Variants in TBATA observed in about 807,000 individuals in gnomAD.
TBATA encodes the protein protein TBATA.
In TBATA, 47 loss-of-function variants were observed where a neutral mutation model predicts 38.7. The observed-to-expected ratio is 1.21, with a 90% CI of 0.96 to 1.55. The LOEUF is 1.55. Ranked by LOEUF, TBATA falls within the 40% of genes most tolerant of loss-of-function variation. The pLI is 0.00. For missense variants in TBATA, 436 were observed against 435.6 expected (o/e 1.00, Z -0.01); for synonymous variants, 183 against 170.5 (o/e 1.07, Z -0.57).
rs150669876 is a variant in TBATA, at chr10:70,779,671, C to T, written c.349G>A (p.Gly117Ser). 51 of 1,533,900 alleles carry T rather than the reference C, an allele frequency of 3.3e-5. No individual in the cohort carries two copies. The highest frequency in any genetic ancestry group is 3.4e-4 in the Middle Eastern group (2 of 5,864). ...ATGGTGGGTATCCCCATTTGACAGC[C>T]GGAAAAGACAGTTGACTCAGGCAAG... ...APLPESTVFSGCQMGIPTISV... is the reference protein window; with the variant it reads ...APLPESTVFSSCQMGIPTISV... The change falls in exon 5 of 11, where the codon GGC (glycine) becomes AGC (serine). Residue 117 changes from glycine to serine, a missense_variant. Transcript: ENST00000456372.
At chr10:70,785,127 C>T (rs1844716240) in intron 1 of TBATA, among the ~76,000 whole-genome samples, 158 bp downstream of exon 1, 2 of 152,190 alleles carry the variant, frequency 1.3e-5, no homozygotes, top group African/African-American at 4.8e-5. Context: ...GTGTAGTCTG[C>T]CCTGCCCTGC....
chr10:70,776,818 G>A (rs1487038664), intron 7 of TBATA, among the ~76,000 whole-genome samples: 1 of 152,194 alleles, frequency 6.6e-6, no homozygotes, highest in Non-Finnish European at 1.5e-5. Flanking sequence ...GGTGCGGCCT[G>A]CTGTGATGGG....
chr10:70,777,994 G>T (rs541424734), intron 6 of TBATA: 1 of 323,580 alleles, frequency 3.1e-6, no homozygotes, highest in Non-Finnish European at 6.1e-6. Context: ...CCCAAGACAA[G>T]GGGCAGGACC....
At chr10:70,775,359 T>C in intron 7 of TBATA, 89 bp from the exon 8 acceptor site, 1 of 1,172,412 alleles carries the variant, frequency 8.5e-7, no homozygotes, top group Non-Finnish European at 1.3e-6. Context: ...AGGAGACCCT[T>C]CCCCCAAAGT....
rs911760121 is a variant in TBATA, at chr10:70,784,671, A to G, written c.-171T>C. 1 of 152,164 alleles carries G rather than the reference A, an allele frequency of 6.6e-6. No individual in the cohort carries two copies. The highest frequency in any genetic ancestry group is 6.5e-5 in the Admixed American group (1 of 15,270). 9.4% of individuals were successfully genotyped at this position (152,164 alleles called of 1,614,324 possible). ...CAGTTTGCTGATCTTTTCTTTCCTT[A>G]AAAGGAAGCTCCAGACATCCTTGAT... On this transcript the variant is annotated 5_prime_UTR_variant, in exon 2 of 11. The change abolishes the stop of an existing upstream ORF in the 5' untranslated region. Coordinates refer to ENST00000456372, the MANE Select transcript of TBATA (RefSeq NM_001318241.2).
intron 5 of TBATA, among the ~76,000 whole-genome samples, chr10:70,779,272 A>G (rs1382641360): frequency 2.6e-5 from 4 of 152,218 alleles, no homozygotes; most frequent in Non-Finnish European, 4.4e-5. Flanking sequence ...CAAGCTACTA[A>G]ATATTCCCTA....
At chr10:70,779,415 G>T (rs1365890701) in intron 5 of TBATA, among the ~76,000 whole-genome samples, 178 bp downstream of exon 5, 1 of 152,220 alleles carries the variant, frequency 6.6e-6, no homozygotes, top group Non-Finnish European at 1.5e-5. Context: ...CTTGCTGGGT[G>T]GGGAGTAATG....
intron 5 of TBATA, 119 bp downstream of exon 5, chr10:70,779,474 A>C: frequency 5.0e-6 from 6 of 1,206,846 alleles, no homozygotes; most frequent in African/African-American, 1.6e-5. Flanking sequence ...GGGTTCCCCC[A>C]ACGGACCTCA....
chr10:70,776,531 T>C (rs1247687942), intron 7 of TBATA: 2 of 402,220 alleles, frequency 5.0e-6, no homozygotes, highest in Non-Finnish European at 1.0e-5. Context: ...CTTTGCTGCA[T>C]TGTGGTAAGG....
At chr10:70,782,718 C>T (rs1844407936) in intron 3 of TBATA, 1 of 883,942 alleles carries the variant, frequency 1.1e-6, no homozygotes, top group South Asian at 5.2e-5. Flanking sequence ...ACACCCCTCC[C>T]CTTCCTGAGG....
intron 4 of TBATA, among the ~76,000 whole-genome samples, chr10:70,781,374 G>C (rs6480464): frequency 6.6e-6 from 1 of 152,154 alleles, no homozygotes; most frequent in Non-Finnish European, 1.5e-5. Context: ...GCTCCAGGAG[G>C]GGGGCCACCA....
chr10:70,777,501 G>T (rs1248800523), intron 6 of TBATA, among the ~76,000 whole-genome samples, 163 bp from the exon 7 acceptor site: 2 of 132,810 alleles, frequency 1.5e-5, no homozygotes, highest in African/African-American at 5.7e-5. Context: ...ATCCAGCTCT[G>T]CCACCCCCCC....
At chr10:70,784,534 A>G (rs1308887163) in intron 2 of TBATA, 113 bp downstream of exon 2, 4 of 152,160 alleles carry the variant, frequency 2.6e-5, no homozygotes, top group Admixed American at 6.5e-5. Context: ...AGATCTCCCA[A>G]TGCCAGCCTT....
rs1226804583 is a variant in TBATA, at chr10:70,783,489, C to G, written c.-110G>C. 1.8e-5 allele frequency: 23 copies of G among 1,285,856 alleles called. No individual in the cohort carries two copies. The highest frequency in any genetic ancestry group is 2.6e-5 in the Non-Finnish European group (23 of 895,420). 79.7% of individuals were successfully genotyped at this position (1,285,856 alleles called of 1,614,324 possible). A position where few individuals can be genotyped will look rare whatever the true frequency, so the allele number is the denominator to read the frequency against. On this transcript the variant is annotated 5_prime_UTR_variant, in exon 3 of 11. Transcript: ENST00000456372. ...GTTGAGGATGCAGAACAGGAACTCT[C>G]ACGAACTGGTGGTGGAAGTGTAAAC...
intron 2 of TBATA, 91 bp from the exon 3 acceptor site, chr10:70,783,616 C>A: frequency 2.1e-6 from 1 of 484,522 alleles, no homozygotes; most frequent in Non-Finnish European, 3.8e-6. Context: ...AAGAGAAATT[C>A]TTATAGATGT....
At chr10:70,777,486 G>A in intron 6 of TBATA, 148 bp from the exon 7 acceptor site, 1 of 735,658 alleles carries the variant, frequency 1.4e-6, no homozygotes, top group Non-Finnish European at 2.2e-6. Flanking sequence ...GGGTCCCAGG[G>A]TATCATCCAG....
Position 70,777,329 on chromosome 10 carries a change from G to A in TBATA, c.517C>T (p.Gln173Ter), listed in dbSNP as rs1286399581. The change falls in exon 7 of 11, where the codon CAG becomes TAG. Residue 173 changes from glutamine to a stop codon, truncating the protein, a stop_gained. Transcript: ENST00000456372. LOFTEE classifies it high-confidence loss of function. Reference sequence around the variant, plus strand: ...TGCTCCCGCAGAGGCTCCTCCTTCTGCTCCTTCTGCTGGGACAAAAGTGGC... The same window carrying A: ...TGCTCCCGCAGAGGCTCCTCCTTCTACTCCTTCTGCTGGGACAAAAGTGGC... Reference protein sequence around the residue: ...DELKKKEQKEQKEEPLREQGA... With the variant: ...DELKKKEQKE 1 of 1,612,656 alleles carries A rather than the reference G, an allele frequency of 6.2e-7. No individual in the cohort carries two copies. The highest frequency in any genetic ancestry group is 2.2e-5 in the East Asian group (1 of 44,854).
chr10:70,771,556 T>A (rs2132788687), intron 10 of TBATA, 95 bp from the exon 11 acceptor site: 3 of 1,210,492 alleles, frequency 2.5e-6, no homozygotes, highest in Admixed American at 4.0e-5. Flanking sequence ...GAGGGGAAGG[T>A]CTGAGTCAAG....
chr10:70,771,676 T>C (rs1842805899), intron 10 of TBATA, among the ~76,000 whole-genome samples: 1 of 152,148 alleles, frequency 6.6e-6, no homozygotes, highest in South Asian at 2.1e-4. Context: ...GTAACAAATA[T>C]CAATGAGATG....
Sources: gnomAD v4.1 joint callset for allele counts (sites outside exome capture counted in the v4.1 genomes callset) on GRCh38, gnomAD v4.1.1 for gene constraint, MANE v1.5 for transcripts, NCBI Gene and HGNC (gene_info 2026-07-23, HGNC 2026-07-21) for gene names.